TMPRSS9: variants seen among roughly 807,000 people sequenced by gnomAD.
The protein encoded by TMPRSS9 is transmembrane protease serine 9.
Under a neutral mutation model 111.4 loss-of-function variants are expected in TMPRSS9, and 113 were observed. The observed-to-expected ratio is 1.01, with a 90% CI of 0.87 to 1.19. TMPRSS9 has a LOEUF of 1.19. Ranked by LOEUF, TMPRSS9 falls within the 50% of genes most tolerant of loss-of-function variation. The pLI, the probability that TMPRSS9 is intolerant of heterozygous loss-of-function variation, is 0.00. For missense variants in TMPRSS9, 1,803 were observed against 1,513.1 expected (o/e 1.19, Z -3.18); for synonymous variants, 805 against 659.1 (o/e 1.22, Z -3.39).
Position 2,410,795 on chromosome 19 carries a change from G to A in TMPRSS9, c.1254+401G>A, listed in dbSNP as rs571118805. ...ATCCCCCCCAGCTGCCCTCCAAACC[G>A]GGACTTGTGTGGGGACACAGACACT... On this transcript the variant is annotated intron_variant, in intron 9 of 17. Coordinates refer to ENST00000648592, the Ensembl canonical transcript of TMPRSS9. Among the ~76,000 whole-genome samples the A allele has an allele frequency of 1.6e-4, 24 of 152,232 alleles. No individual in the cohort carries two copies. The East Asian group carries it at 2.7e-3, about 17-fold the overall frequency.
chr19:2,406,014 C>CTTT (rs749624348), intron 7 of TMPRSS9, among the ~76,000 whole-genome samples: 1 of 95,538 alleles, frequency 1.0e-5, no homozygotes, highest in Non-Finnish European at 2.2e-5. Context: ...TTCTTTCTTT[C>CTTT]TTTTTTTTTT....
At chr19:2,387,413 T>G (rs1970499248), upstream of TMPRSS9, among the ~76,000 whole-genome samples, 1 of 152,122 alleles carries the variant, frequency 6.6e-6, no homozygotes, top group South Asian at 2.1e-4. Flanking sequence ...GAGAATCGCT[T>G]GAACCTGGGA....
At chr19:2,388,937 C>T (rs1970528859), upstream of TMPRSS9, among the ~76,000 whole-genome samples, 2 of 151,370 alleles carry the variant, frequency 1.3e-5, no homozygotes, top group Admixed American at 6.6e-5. Context: ...AACTCGGTGT[C>T]CCTCTAAGCC....
chr19:2,384,065 C>T (rs1293268536), intron 1 of TMPRSS9, among the ~76,000 whole-genome samples: 3 of 152,102 alleles, frequency 2.0e-5, no homozygotes, highest in Non-Finnish European at 4.4e-5. Context: ...CCACTCCCTC[C>T]AGAGAAGCCC....
At chr19:2,379,580 A>G (rs72989423) in intron 1 of TMPRSS9, among the ~76,000 whole-genome samples, 7 of 149,760 alleles carry the variant, frequency 4.7e-5, no homozygotes, top group Non-Finnish European at 8.9e-5. Context: ...CCCACCCCAC[A>G]CTAGGCCCTG....
intron 5 of TMPRSS9, among the ~76,000 whole-genome samples, 161 bp from the exon 7 acceptor site, chr19:2,402,921 C>A (rs2145329511): frequency 6.6e-6 from 1 of 152,130 alleles, no homozygotes; most frequent in Middle Eastern, 3.4e-3. Flanking sequence ...CAGAGCTAGA[C>A]CCTGTCTCAA....
At chr19:2,372,402 G>A (rs979545964) in intron 1 of TMPRSS9, among the ~76,000 whole-genome samples, 1 of 151,866 alleles carries the variant, frequency 6.6e-6, no homozygotes, top group Admixed American at 6.6e-5. Context: ...TCTTGTCAAG[G>A]GCTTCCTCCC....
chr19:2,390,478 C>A (rs909281795), intron 1 of TMPRSS9, among the ~76,000 whole-genome samples: 3 of 148,590 alleles, frequency 2.0e-5, no homozygotes, highest in African/African-American at 4.9e-5. Flanking sequence ...CTCCTGACCT[C>A]ATGATCCGCC....
chr19:2,422,849 T>C (rs1283271626), intron 14 of TMPRSS9, among the ~76,000 whole-genome samples: 4 of 150,878 alleles, frequency 2.7e-5, no homozygotes, highest in South Asian at 4.2e-4. Context: ...GATCGTGCCA[T>C]TGCACTCCAG....
chr19:2,423,717 G>A (rs1971522256), intron 14 of TMPRSS9, among the ~76,000 whole-genome samples: 1 of 152,144 alleles, frequency 6.6e-6, no homozygotes, highest in Admixed American at 6.5e-5. Context: ...GATCCAGGCA[G>A]AGGGCACCAA....
chr19:2,382,209 T>C (rs987468240), intron 1 of TMPRSS9, among the ~76,000 whole-genome samples: 5 of 152,146 alleles, frequency 3.3e-5, no homozygotes, highest in African/African-American at 9.7e-5. Context: ...TTGCCCAGGC[T>C]GGAGTGCTCA....
intron 1 of TMPRSS9, 45 bp downstream of exon 2, chr19:2,389,972 G>A: frequency 6.3e-7 from 1 of 1,580,322 alleles, no homozygotes; most frequent in Non-Finnish European, 8.7e-7. Flanking sequence ...CAAGGGACAT[G>A]TGCAAAGTCA....
upstream of TMPRSS9, among the ~76,000 whole-genome samples, chr19:2,388,104 C>G (rs2145276609): frequency 1.3e-5 from 2 of 152,178 alleles, no homozygotes; most frequent in South Asian, 4.1e-4. Context: ...CGAAAGCTGG[C>G]ACTCAGGCTG....
chr19:2,374,490 C>T (rs1970314984), intron 1 of TMPRSS9, among the ~76,000 whole-genome samples: 1 of 151,788 alleles, frequency 6.6e-6, no homozygotes, highest in South Asian at 2.1e-4. Flanking sequence ...TAGAGGATTG[C>T]TTGAACCTGG....
Position 2,413,901 on chromosome 19 carries a change from GC to G in TMPRSS9, c.1461del (p.Ser488AlafsTer68). On this transcript the variant is annotated frameshift_variant, in exon 10 of 18. Coordinates refer to ENST00000648592, the Ensembl canonical transcript of TMPRSS9. LOFTEE classifies it high-confidence loss of function. ...CCCCACCATGGCTCCTGCCCCTGCC[GC>G]CCCCAGCACAGCCTGGCCCACCAGT... The G allele has an allele frequency of 6.2e-7, 1 of 1,612,738 alleles. No individual in the cohort carries two copies.
At chr19:2,398,832 G>A (rs1970764515) in exon 3 of TMPRSS9, 2 of 1,501,906 alleles carry the variant, frequency 1.3e-6, no homozygotes, top group Admixed American at 2.0e-5. Context: ...TTAGAGGCAA[G>A]CTGCGTGGGT....
chr19:2,394,745 G>A (rs899489653), intron 1 of TMPRSS9, among the ~76,000 whole-genome samples: 2 of 151,948 alleles, frequency 1.3e-5, no homozygotes, highest in East Asian at 1.9e-4. Context: ...CACGGTTTAC[G>A]CGGTTGCTAT....
chr19:2,425,489 G>T, exon 17 of TMPRSS9: 1 of 1,579,736 alleles, frequency 6.3e-7, no homozygotes, highest in Non-Finnish European at 8.6e-7. Flanking sequence ...GTGGACAGCT[G>T]CTCGGTGAGC....
At chr19:2,398,796 T>G (rs749618332) in exon 3 of TMPRSS9, 405 of 1,450,860 alleles carry the variant, frequency 2.8e-4, no homozygotes, top group Non-Finnish European at 3.6e-4. Flanking sequence ...CTATTGCAGT[T>G]TGTAAGTAGT....
Sources: gnomAD v4.1 joint callset for allele counts (sites outside exome capture counted in the v4.1 genomes callset) on GRCh38, gnomAD v4.1.1 for gene constraint, MANE v1.5 for transcripts, NCBI Gene and HGNC (gene_info 2026-07-23, HGNC 2026-07-21) for gene names.